The following TMEM117 variants were observed in gnomAD, a reference collection of about 807,000 sequenced individuals.
TMEM117 encodes transmembrane protein 117.
TMEM117 carries 27 observed loss-of-function variants against 52.4 expected under a neutral mutation model. The ratio of observed to expected loss-of-function variants is 0.51; its 90% CI spans 0.38 to 0.71. The LOEUF (loss-of-function observed/expected upper bound fraction) is 0.71. Ranked by LOEUF, TMEM117 falls within the 30% of genes least tolerant of loss-of-function variation. The pLI is 0.00. For missense variants in TMEM117, 556 were observed against 630.5 expected (o/e 0.88, Z 1.26); for synonymous variants, 215 against 206.3 (o/e 1.04, Z -0.36).
chr12:44,229,920 T>C (rs1453637133), intron 5 of TMEM117, among the ~76,000 whole-genome samples: 1 of 152,116 alleles, frequency 6.6e-6, no homozygotes, highest in African/African-American at 2.4e-5. Context: ...AAAAATAACA[T>C]AAACCAAACT....
chr12:44,155,850 C>T (rs923191185), intron 4 of TMEM117, among the ~76,000 whole-genome samples: 1 of 152,080 alleles, frequency 6.6e-6, no homozygotes, highest in Non-Finnish European at 1.5e-5. Flanking sequence ...GCACATTAAT[C>T]TGGAAACTGA....
At chr12:44,308,688 C>G (rs1284441213) in intron 6 of TMEM117, among the ~76,000 whole-genome samples, 1 of 150,518 alleles carries the variant, frequency 6.6e-6, no homozygotes, top group African/African-American at 2.5e-5. Flanking sequence ...GGCGCCATCT[C>G]GGCTCGCTGC....
At chr12:43,897,338 G>A (rs1258863749) in intron 2 of TMEM117, among the ~76,000 whole-genome samples, 1 of 137,632 alleles carries the variant, frequency 7.3e-6, no homozygotes, top group Non-Finnish European at 1.5e-5. Context: ...TTGAGACAGA[G>A]TCTCACATTG....
chr12:43,801,968 T>G, the TMEM117 span, among the ~76,000 whole-genome samples: 1 of 152,154 alleles, frequency 6.6e-6, no homozygotes. Context: ...AGGCAGAGGT[T>G]GCAGTGAGCC....
At chr12:43,902,577 C>T (rs1565742398) in intron 2 of TMEM117, among the ~76,000 whole-genome samples, 1 of 152,098 alleles carries the variant, frequency 6.6e-6, no homozygotes, top group Non-Finnish European at 1.5e-5. Flanking sequence ...AAGTGGCTTC[C>T]ACTGTGGGGA....
chr12:44,054,988 G>A (rs945345703), intron 3 of TMEM117, among the ~76,000 whole-genome samples: 3 of 151,850 alleles, frequency 2.0e-5, no homozygotes, highest in African/African-American at 2.4e-5. Flanking sequence ...GACTAGCCAC[G>A]GCCATAAACT....
At chr12:44,191,075 C>G (rs1949346548) in intron 4 of TMEM117, among the ~76,000 whole-genome samples, 2 of 151,688 alleles carry the variant, frequency 1.3e-5, no homozygotes, top group African/African-American at 4.8e-5. Context: ...CTAGGGAGGC[C>G]TCAGGAAACT....
At chr12:44,126,432 G>T (rs1322728394) in intron 3 of TMEM117, among the ~76,000 whole-genome samples, 1 of 152,066 alleles carries the variant, frequency 6.6e-6, no homozygotes, top group East Asian at 1.9e-4. Context: ...CTCCTTTTTA[G>T]ATTTAACAAA....
intron 4 of TMEM117, among the ~76,000 whole-genome samples, chr12:44,184,098 C>A (rs965846302): frequency 6.6e-6 from 1 of 152,122 alleles, no homozygotes; most frequent in Non-Finnish European, 1.5e-5. Context: ...GTAATCCCAG[C>A]ACTTTGGGAG....
chr12:43,960,307 G>A (rs1462221646), intron 3 of TMEM117, among the ~76,000 whole-genome samples: 1 of 151,880 alleles, frequency 6.6e-6, no homozygotes, highest in Non-Finnish European at 1.5e-5. Context: ...GGTTGAGTAA[G>A]GGGAGAGGGA....
chr12:44,029,140 C>T (rs1371471639), intron 3 of TMEM117, among the ~76,000 whole-genome samples: 2 of 152,130 alleles, frequency 1.3e-5, no homozygotes, highest in African/African-American at 2.4e-5. Flanking sequence ...AGGCTTCTCT[C>T]AATAAAAGGC....
At chr12:43,805,598 T>C in the TMEM117 span, 1 of 475,704 alleles carries the variant, frequency 2.1e-6, no homozygotes. Flanking sequence ...TCTGCACGCA[T>C]TACATGCAAC....
intron 6 of TMEM117, among the ~76,000 whole-genome samples, chr12:44,318,879 T>C (rs1461162559): frequency 6.6e-6 from 1 of 152,184 alleles, no homozygotes; most frequent in Non-Finnish European, 1.5e-5. Context: ...TGCCTAGGCA[T>C]GGAGCAGAGA....
At chr12:44,080,586 T>C (rs1416739071) in intron 3 of TMEM117, among the ~76,000 whole-genome samples, 1 of 152,182 alleles carries the variant, frequency 6.6e-6, no homozygotes, top group Non-Finnish European at 1.5e-5. Flanking sequence ...TTTTATGTTC[T>C]AAATCAGGGT....
chr12:43,802,560 C>T, the TMEM117 span: 1 of 902,514 alleles, frequency 1.1e-6, no homozygotes, highest in African/African-American at 1.7e-5. Context: ...AGTCATTTCC[C>T]AGTTACTATT....
intron 3 of TMEM117, among the ~76,000 whole-genome samples, chr12:44,064,474 T>C (rs1947190539): frequency 6.6e-6 from 1 of 152,200 alleles, no homozygotes; most frequent in Non-Finnish European, 1.5e-5. Flanking sequence ...GTTATTCAGA[T>C]TGAAAGGATA....
intron 3 of TMEM117, among the ~76,000 whole-genome samples, chr12:44,043,008 G>A (rs564054579): frequency 4.3e-4 from 65 of 152,240 alleles, no homozygotes; most frequent in African/African-American, 1.5e-3. Context: ...AGTCCTCAGC[G>A]TGAATTGTTT....
At chr12:44,292,300 T>C (rs1235971545) in intron 5 of TMEM117, among the ~76,000 whole-genome samples, 4 of 152,054 alleles carry the variant, frequency 2.6e-5, no homozygotes, top group Non-Finnish European at 5.9e-5. Context: ...GTATCAGTTG[T>C]AATGTCTTCC....
intron 3 of TMEM117, among the ~76,000 whole-genome samples, chr12:43,958,536 A>G (rs1004246034): frequency 1.3e-4 from 20 of 152,214 alleles, no homozygotes; most frequent in African/African-American, 4.6e-4. Flanking sequence ...ATTTGAAAAT[A>G]AATGTTACGT....
Sources: gnomAD v4.1 joint callset for allele counts (sites outside exome capture counted in the v4.1 genomes callset) on GRCh38, gnomAD v4.1.1 for gene constraint, MANE v1.5 for transcripts, NCBI Gene and HGNC (gene_info 2026-07-23, HGNC 2026-07-21) for gene names.